KAZN: variants seen among roughly 807,000 people sequenced by gnomAD.
KAZN encodes the protein kazrin.
Under a neutral mutation model 87.4 loss-of-function variants are expected in KAZN, and 40 were observed. That is an observed-to-expected ratio of 0.46 (90% CI 0.36 to 0.60). The LOEUF is 0.60. Among genes scored for constraint, KAZN ranks in the 20% least tolerant of loss-of-function variants. The pLI, the probability that KAZN is intolerant of heterozygous loss-of-function variation, is 0.00. For synonymous variants in KAZN, 466 were observed against 458.3 expected (o/e 1.02, Z -0.22); for missense variants, 898 against 1,073.9 (o/e 0.84, Z 2.29).
Position 15,065,886 on chromosome 1 carries a change from G to A in KAZN, c.1222+133G>A, listed in dbSNP as rs1038898756. On this transcript the variant is annotated intron_variant, in intron 8 of 14. Coordinates refer to ENST00000376030, the MANE Select transcript of KAZN (RefSeq NM_201628.3). ...AGCGTGGGTGCGCGTGTGGCCGTGC[G>A]TGGGGTGCGTGTGCACGTGTGCGCT... is the stretch of plus-strand genomic sequence containing the variant. The A allele has an allele frequency of 1.6e-5, 24 of 1,506,374 alleles. 1 individual carries two copies. Among genetic ancestry groups the A allele is most frequent in the South Asian group, 2.6e-5 (2 of 75,478 alleles). 93.3% of individuals were successfully genotyped at this position (1,506,374 alleles called of 1,614,324 possible). A position where few individuals can be genotyped will look rare whatever the true frequency, so the allele number is the denominator to read the frequency against.
At chr1:14,753,180 A>G (rs1174168045) in intron 1 of KAZN, among the ~76,000 whole-genome samples, 1 of 152,238 alleles carries the variant, frequency 6.6e-6, no homozygotes, top group Non-Finnish European at 1.5e-5. Flanking sequence ...TGCAACAAGC[A>G]TGCATTGAGC....
At chr1:14,067,967 GCC>G (rs1392901278) in intron 1 of KAZN, among the ~76,000 whole-genome samples, 5 of 152,120 alleles carry the variant, frequency 3.3e-5, no homozygotes, top group Non-Finnish European at 7.4e-5. Context: ...TCTGGGATTG[GCC>G]TGAATTGTGA....
chr1:14,092,471 TACAC>T (rs908041976), intron 1 of KAZN, among the ~76,000 whole-genome samples: 12 of 150,360 alleles, frequency 8.0e-5, no homozygotes, highest in Middle Eastern at 3.5e-3. Context: ...TATATATATA[TACAC>T]ACACACAACA....
At chr1:14,763,715 G>A (rs1422225458) in intron 1 of KAZN, among the ~76,000 whole-genome samples, 1 of 152,110 alleles carries the variant, frequency 6.6e-6, no homozygotes, top group Non-Finnish European at 1.5e-5. Context: ...TGCCTAAGGG[G>A]GAGATGGGAT....
intron 4 of KAZN, among the ~76,000 whole-genome samples, chr1:15,055,826 C>G (rs1674895639): frequency 6.6e-6 from 1 of 152,232 alleles, no homozygotes; most frequent in African/African-American, 2.4e-5. Context: ...GGCTCTGCCA[C>G]TTCTGAGCTG....
chr1:14,889,861 T>G (rs1314549468), intron 1 of KAZN, among the ~76,000 whole-genome samples: 1 of 152,148 alleles, frequency 6.6e-6, no homozygotes, highest in Non-Finnish European at 1.5e-5. Flanking sequence ...CCATTGAAAA[T>G]ATTTACTTCC....
chr1:14,574,896 C>T (rs187742858), intron 2 of KAZN, among the ~76,000 whole-genome samples: 28 of 152,194 alleles, frequency 1.8e-4, no homozygotes, highest in Admixed American at 1.8e-3. Context: ...CTCTGTTCAG[C>T]CAAGACTTCA....
chr1:14,120,277 C>T (rs530706252), intron 1 of KAZN, among the ~76,000 whole-genome samples: 3 of 152,068 alleles, frequency 2.0e-5, no homozygotes, highest in African/African-American at 4.8e-5. Flanking sequence ...AGCAAGAGGG[C>T]GGGGGGAGGT....
At chr1:14,590,517 C>G (rs1412490767) in intron 2 of KAZN, among the ~76,000 whole-genome samples, 5 of 152,194 alleles carry the variant, frequency 3.3e-5, no homozygotes, top group Non-Finnish European at 7.3e-5. Flanking sequence ...TATTCTACCT[C>G]TTAGCTAGGT....
At chr1:14,673,830 A>C (rs774036510) in intron 1 of KAZN, among the ~76,000 whole-genome samples, 6 of 152,192 alleles carry the variant, frequency 3.9e-5, no homozygotes, top group Non-Finnish European at 5.9e-5. Flanking sequence ...TAACACCTTA[A>C]TGTTCAGAAT....
intron 2 of KAZN, chr1:14,223,171 A>G (rs1647146287): frequency 6.6e-6 from 1 of 152,158 alleles, no homozygotes; most frequent in African/African-American, 2.4e-5. Flanking sequence ...TTGCCCAGGG[A>G]AGAGGTGGTC....
intron 1 of KAZN, among the ~76,000 whole-genome samples, chr1:14,729,800 T>C (rs145275113): frequency 9.1e-4 from 139 of 152,320 alleles, no homozygotes; most frequent in African/African-American, 3.2e-3. Flanking sequence ...CCCAGCCTGT[T>C]TCCGTGTGGC....
chr1:14,242,536 T>C (rs1035612476), intron 2 of KAZN, among the ~76,000 whole-genome samples: 1 of 152,134 alleles, frequency 6.6e-6, no homozygotes, highest in Non-Finnish European at 1.5e-5. Flanking sequence ...ACTCAGGCAG[T>C]AAACAAAACA....
intron 2 of KAZN, among the ~76,000 whole-genome samples, chr1:14,590,494 G>A (rs1676130137): frequency 6.6e-6 from 1 of 152,164 alleles, no homozygotes; most frequent in South Asian, 2.1e-4. Context: ...GCACACCTAG[G>A]TGTGACTCTG....
intron 4 of KAZN, among the ~76,000 whole-genome samples, chr1:15,049,885 A>G (rs1464214612): frequency 6.6e-6 from 1 of 152,068 alleles, no homozygotes; most frequent in Admixed American, 6.6e-5. Context: ...TTAGCCAGGC[A>G]TGATGGCAGG....
intron 2 of KAZN, among the ~76,000 whole-genome samples, chr1:14,351,938 AAAG>A (rs1219698987): frequency 6.6e-6 from 1 of 152,250 alleles, no homozygotes; most frequent in Non-Finnish European, 1.5e-5. Context: ...CAAAGCGAAA[AAAG>A]AAAATCAAAC....
chr1:14,629,864 G>A (rs1679433907), intron 1 of KAZN, among the ~76,000 whole-genome samples: 1 of 152,070 alleles, frequency 6.6e-6, no homozygotes, highest in Admixed American at 6.5e-5. Flanking sequence ...GCTAGGGCTG[G>A]AGAAAACCCG....
chr1:14,588,490 G>T (rs1295019067), intron 2 of KAZN, among the ~76,000 whole-genome samples: 1 of 152,234 alleles, frequency 6.6e-6, no homozygotes, highest in Non-Finnish European at 1.5e-5. Flanking sequence ...TCAGTGATAT[G>T]TATGATCATT....
intron 2 of KAZN, among the ~76,000 whole-genome samples, chr1:14,385,485 T>C (rs1210509656): frequency 6.6e-6 from 1 of 152,224 alleles, no homozygotes; most frequent in Non-Finnish European, 1.5e-5. Context: ...CTGCTTTGAA[T>C]GTGTCCCAGA....
Sources: allele counts gnomAD v4.1 joint callset (sites outside exome capture counted in the v4.1 genomes callset), GRCh38; gene constraint gnomAD v4.1.1; transcripts MANE v1.5; gene names NCBI Gene and HGNC (gene_info 2026-07-23, HGNC 2026-07-21).